The following PTPRF variants were observed in gnomAD, a reference collection of about 807,000 sequenced individuals.
PTPRF encodes the protein receptor-type tyrosine-protein phosphatase F.
Under a neutral mutation model 201.8 loss-of-function variants are expected in PTPRF, and 59 were observed. That is an observed-to-expected ratio of 0.29 (90% CI 0.24 to 0.36). The LOEUF is 0.36. Among genes scored for constraint, PTPRF ranks in the 10% least tolerant of loss-of-function variants. The pLI is 1.00. For missense variants in PTPRF, 2,132 were observed against 2,690.5 expected, an observed-to-expected ratio of 0.79 and a Z score of 4.59; for synonymous variants, 1,088 against 1,089.7, an observed-to-expected ratio of 1.00 and a Z score of 0.03.
chr1:43,612,870 G>C (rs1656805778), intron 22 of PTPRF: 8 of 1,235,844 alleles, frequency 6.5e-6, no homozygotes, highest in Non-Finnish European at 8.8e-6. Flanking sequence ...CCTTACTTTT[G>C]TTTACCCCAT....
intron 14 of PTPRF, 85 bp downstream of exon 14, chr1:43,602,182 G>T (rs1240272486): frequency 6.7e-7 from 1 of 1,498,432 alleles, no homozygotes; most frequent in East Asian, 2.3e-5. Flanking sequence ...TTTCCTGCTA[G>T]CCTGCACTGC....
rs375270629 is a variant in PTPRF at position 43,553,965 on chromosome 1, C to T, written c.379+24C>T. 5.7e-5 allele frequency: 92 copies of T among 1,611,466 alleles called. No homozygotes were observed. The highest frequency in any genetic ancestry group is 8.0e-5 in the African/African-American group (6 of 74,888). The stretch of plus-strand genomic sequence containing the variant: ...AGGTACGTGCTAGGGAGACGTGGCA[C>T]GGTGGGCTGCCGGGCTGAGGCGTGG... On this transcript the variant is annotated intron_variant, in intron 5 of 33. Transcript: ENST00000359947. This position sits in a 1 kb window ranked among gnomAD's most constrained non-coding sequence, Gnocchi z 4.1.
chr1:43,536,914 A>G (rs1644053633), intron 1 of PTPRF, among the ~76,000 whole-genome samples: 1 of 152,194 alleles, frequency 6.6e-6, no homozygotes, highest in Admixed American at 6.5e-5. Flanking sequence ...GGTTAGTGCA[A>G]CTTGAGGGTA....
chr1:43,551,606 G>A (rs1220755735), intron 3 of PTPRF, among the ~76,000 whole-genome samples: 4 of 152,296 alleles, frequency 2.6e-5, no homozygotes, highest in Admixed American at 2.0e-4. Context: ...GAGTGAGAAG[G>A]CTGGATCAAA....
At chr1:43,530,472 C>T (rs547844266), upstream of PTPRF, among the ~76,000 whole-genome samples, 1 of 152,074 alleles carries the variant, frequency 6.6e-6, no homozygotes, top group African/African-American at 2.4e-5. This position sits in a 1 kb window ranked among gnomAD's most constrained non-coding sequence, Gnocchi z 4.1. Flanking sequence ...TATAGAGGTT[C>T]ACAACAAAAT....
chr1:43,587,732 C>T (rs1649522017), intron 7 of PTPRF, among the ~76,000 whole-genome samples: 1 of 152,206 alleles, frequency 6.6e-6, no homozygotes, highest in Non-Finnish European at 1.5e-5. Flanking sequence ...CCGTGTAGGA[C>T]ACACCCTGGC....
At chr1:43,566,848 C>T (rs1646223447) in intron 5 of PTPRF, among the ~76,000 whole-genome samples, 1 of 152,158 alleles carries the variant, frequency 6.6e-6, no homozygotes, top group South Asian at 2.1e-4. Flanking sequence ...CAGCTCTCCA[C>T]ACATTCTGGT....
At chr1:43,558,706 C>G (rs953638023) in intron 5 of PTPRF, among the ~76,000 whole-genome samples, 1 of 152,202 alleles carries the variant, frequency 6.6e-6, no homozygotes, top group African/African-American at 2.4e-5. Context: ...CGCCCGCTGC[C>G]GCCACTGAGA....
At chr1:43,528,709 T>A (rs1390029826), upstream of PTPRF, 3 of 152,124 alleles carry the variant, frequency 2.0e-5, no homozygotes, top group Non-Finnish European at 2.9e-5. Flanking sequence ...TGCATGTCAG[T>A]GATTAAATTG....
intron 6 of PTPRF, among the ~76,000 whole-genome samples, chr1:43,570,150 G>T (rs1646471733): frequency 6.6e-6 from 1 of 152,224 alleles, no homozygotes; most frequent in South Asian, 2.1e-4. Context: ...AGATGGCAGG[G>T]CTTAGCTGGG....
At chr1:43,617,697 C>T (rs768346231) in intron 24 of PTPRF, 39 bp from the exon 25 acceptor site, 10 of 1,602,838 alleles carry the variant, frequency 6.2e-6, no homozygotes, top group Admixed American at 1.7e-5. Context: ...GGCTGGGGAC[C>T]CTGTAGTAAT....
intron 7 of PTPRF, among the ~76,000 whole-genome samples, chr1:43,586,001 A>G (rs567369053): frequency 1.3e-5 from 2 of 152,298 alleles, no homozygotes; most frequent in East Asian, 3.9e-4. Context: ...GCTTCTCCCC[A>G]GAGCCTTCTG....
chr1:43,582,918 A>C (rs1369971328), intron 7 of PTPRF, among the ~76,000 whole-genome samples: 2 of 152,082 alleles, frequency 1.3e-5, no homozygotes, highest in African/African-American at 4.8e-5. Flanking sequence ...ACCTGTGTGC[A>C]TGTGTGTGTG....
At chr1:43,611,867 G>A (rs1463194919) in intron 22 of PTPRF, among the ~76,000 whole-genome samples, 1 of 152,162 alleles carries the variant, frequency 6.6e-6, no homozygotes, top group Non-Finnish European at 1.5e-5. Flanking sequence ...GGGGCTGGTG[G>A]GTCTGTGGGT....
At chr1:43,529,584 G>C (rs1444081120), upstream of PTPRF, among the ~76,000 whole-genome samples, 1 of 152,198 alleles carries the variant, frequency 6.6e-6, no homozygotes, top group African/African-American at 2.4e-5. Flanking sequence ...ACCCAGGGCA[G>C]TGGGGGTAGG....
chr1:43,566,099 G>A (rs1385766506), intron 5 of PTPRF, among the ~76,000 whole-genome samples: 1 of 152,196 alleles, frequency 6.6e-6, no homozygotes, highest in Non-Finnish European at 1.5e-5. Context: ...GCGTGTGCGG[G>A]GCTCTGCAGT....
chr1:43,530,556 C>G (rs1330928960), upstream of PTPRF, among the ~76,000 whole-genome samples: 1 of 152,042 alleles, frequency 6.6e-6, no homozygotes, highest in Non-Finnish European at 1.5e-5. The surrounding 1 kb of genome is among the most constrained non-coding windows in gnomAD (Gnocchi z 4.1). Flanking sequence ...GGTGTGGGCT[C>G]AGTATCAGGT....
chr1:43,608,301 C>G (rs1394719092), intron 21 of PTPRF, among the ~76,000 whole-genome samples: 6 of 152,212 alleles, frequency 3.9e-5, no homozygotes, highest in Non-Finnish European at 8.8e-5. Flanking sequence ...TTCTTCTGTC[C>G]TTGCTTGTCT....
chr1:43,525,381 T>C (rs940805126), upstream of PTPRF: 30 of 152,538 alleles, frequency 2.0e-4, no homozygotes, highest in African/African-American at 7.0e-4. Context: ...GCTGTCTGTC[T>C]GCACCGGCAC....
Sources: gnomAD v4.1 joint callset for allele counts (sites outside exome capture counted in the v4.1 genomes callset) on GRCh38, gnomAD v4.1.1 for gene constraint, Gnocchi (gnomAD v3.1) non-coding constraint, MANE v1.5 for transcripts, NCBI Gene and HGNC (gene_info 2026-07-23, HGNC 2026-07-21) for gene names.